Variants in GRHL2 observed in about 807,000 individuals in gnomAD.
The protein encoded by GRHL2 is grainyhead like transcription factor 2, also known as grainyhead-like protein 2 homolog.
Under a neutral mutation model 83.8 loss-of-function variants are expected in GRHL2, and 21 were observed. The ratio of observed to expected loss-of-function variants is 0.25; its 90% CI spans 0.18 to 0.36. The LOEUF (loss-of-function observed/expected upper bound fraction) is 0.36, where lower values mean the gene tolerates loss of function less well. GRHL2 is among the 10% of genes least tolerant of loss of function. The probability of loss-of-function intolerance (pLI) is 1.00; values close to 1 mark genes in which losing one functional copy is unlikely to be tolerated. For missense variants in GRHL2, 623 were observed against 781.8 expected (o/e 0.80, Z 2.42); for synonymous variants, 280 against 278.9 (o/e 1.00, Z -0.04).
At chr8:101,507,536 A>G (rs548291530) in intron 1 of GRHL2, among the ~76,000 whole-genome samples, 2 of 152,286 alleles carry the variant, frequency 1.3e-5, no homozygotes, top group African/African-American at 2.4e-5. Flanking sequence ...TTTTCTGTGC[A>G]TGTATATACA....
At chr8:101,577,322 C>T (rs150834119) in intron 6 of GRHL2, 86 bp from the exon 7 acceptor site, 3 of 829,942 alleles carry the variant, frequency 3.6e-6, no homozygotes, top group Non-Finnish European at 6.2e-6. Flanking sequence ...GACACAAACA[C>T]ACCTCTGGTA....
chr8:101,563,680 T>C (rs1811654443), intron 4 of GRHL2, among the ~76,000 whole-genome samples: 1 of 152,178 alleles, frequency 6.6e-6, no homozygotes, highest in Admixed American at 6.5e-5. Flanking sequence ...GCTTCCTGCA[T>C]CATATTGCTT....
At chr8:101,633,060 A>G (rs1813219737) in intron 11 of GRHL2, among the ~76,000 whole-genome samples, 1 of 152,230 alleles carries the variant, frequency 6.6e-6, no homozygotes, top group Non-Finnish European at 1.5e-5. Context: ...GTGGAAAAAA[A>G]TGTAGAATAG....
At chr8:101,608,013 T>C (rs1002731043) in intron 8 of GRHL2, among the ~76,000 whole-genome samples, 2 of 152,246 alleles carry the variant, frequency 1.3e-5, no homozygotes, top group African/African-American at 4.8e-5. Context: ...AACTATTGTA[T>C]TGTGCAGAGA....
At chr8:101,649,956 G>A (rs760669064) in intron 14 of GRHL2, among the ~76,000 whole-genome samples, 1 of 152,088 alleles carries the variant, frequency 6.6e-6, no homozygotes, top group Non-Finnish European at 1.5e-5. Flanking sequence ...TCCTACCCAT[G>A]GTCTTGTCTA....
At chr8:101,496,298 T>C (rs1483268209) in intron 1 of GRHL2, among the ~76,000 whole-genome samples, 2 of 152,168 alleles carry the variant, frequency 1.3e-5, no homozygotes, top group Non-Finnish European at 2.9e-5. Flanking sequence ...GTCTCTCATG[T>C]GGATAACATT....
chr8:101,626,075 TA>T (rs1813073578), intron 9 of GRHL2, among the ~76,000 whole-genome samples: 1 of 152,110 alleles, frequency 6.6e-6, no homozygotes, highest in Non-Finnish European at 1.5e-5. Context: ...TAAAAAGAGA[TA>T]TTAAAGTTTA....
chr8:101,622,815 T>C (rs1180832795), intron 9 of GRHL2, among the ~76,000 whole-genome samples: 3 of 152,200 alleles, frequency 2.0e-5, no homozygotes, highest in African/African-American at 7.2e-5. Flanking sequence ...ATGATATTTG[T>C]AGTCTTTTAT....
At chr8:101,634,758 G>A (rs1813254101) in intron 11 of GRHL2, among the ~76,000 whole-genome samples, 1 of 152,320 alleles carries the variant, frequency 6.6e-6, no homozygotes, top group South Asian at 2.1e-4. Flanking sequence ...GACTTGGGGA[G>A]TGGGTATTTC....
At chr8:101,514,367 A>C (rs1450782614) in intron 1 of GRHL2, among the ~76,000 whole-genome samples, 4 of 152,184 alleles carry the variant, frequency 2.6e-5, no homozygotes, top group Non-Finnish European at 4.4e-5. Flanking sequence ...GAGGTTAAAC[A>C]TGCGAGGATC....
chr8:101,577,800 G>A (rs1164551957), intron 7 of GRHL2, among the ~76,000 whole-genome samples: 1 of 152,212 alleles, frequency 6.6e-6, no homozygotes, highest in Non-Finnish European at 1.5e-5. Flanking sequence ...CCTAAAACGT[G>A]TTTTCATGGC....
chr8:101,524,607 T>C (rs959111329), intron 1 of GRHL2, among the ~76,000 whole-genome samples: 1 of 152,210 alleles, frequency 6.6e-6, no homozygotes, highest in Non-Finnish European at 1.5e-5. Flanking sequence ...AAAACTATGT[T>C]ATAATTTCAA....
intron 8 of GRHL2, among the ~76,000 whole-genome samples, chr8:101,601,188 ACCC>A (rs1165743486): frequency 5.4e-5 from 8 of 149,022 alleles, no homozygotes; most frequent in African/African-American, 2.0e-4. Flanking sequence ...ACACACACAC[ACCC>A]CACCACCACC....
intron 8 of GRHL2, among the ~76,000 whole-genome samples, chr8:101,616,683 C>A (rs1812863886): frequency 6.6e-6 from 1 of 152,168 alleles, no homozygotes; most frequent in Admixed American, 6.5e-5. Context: ...ACCTGCCTCT[C>A]TGTACACACA....
In GRHL2 at chr8:101,644,087, C is replaced by T. The variant is rs766052548; in HGVS notation, c.1518-44C>T. 7 of 1,536,878 alleles carry T rather than the reference C, an allele frequency of 4.6e-6. No homozygotes were observed. The East Asian group carries it at 9.0e-5, about 20-fold the overall frequency. ...ACACACATGTGAACGTGTGTTTTGA[C>T]ACCTTGCTGGTTTTACTTAAGGATT... On this transcript the variant is annotated intron_variant, in intron 12 of 15. Transcript: ENST00000646743.
intron 1 of GRHL2, among the ~76,000 whole-genome samples, chr8:101,499,376 TTTC>T (rs1261776436): frequency 2.0e-5 from 3 of 152,154 alleles, no homozygotes; most frequent in Non-Finnish European, 2.9e-5. Flanking sequence ...AAACTAACAT[TTTC>T]TTCTTGTTCC....
chr8:101,590,587 A>G (rs1009074273), intron 7 of GRHL2, among the ~76,000 whole-genome samples: 1 of 152,180 alleles, frequency 6.6e-6, no homozygotes, highest in African/African-American at 2.4e-5. Flanking sequence ...TTTCAAGTTT[A>G]GAGAAGTTGA....
At chr8:101,496,213 A>G (rs1810101169) in intron 1 of GRHL2, among the ~76,000 whole-genome samples, 1 of 150,938 alleles carries the variant, frequency 6.6e-6, no homozygotes, top group Non-Finnish European at 1.5e-5. Context: ...ATTTTTGCTT[A>G]TGATAATTTC....
intron 8 of GRHL2, among the ~76,000 whole-genome samples, chr8:101,610,535 G>T (rs1472949158): frequency 6.6e-6 from 1 of 150,864 alleles, no homozygotes; most frequent in East Asian, 1.9e-4. Flanking sequence ...GAGACTAGGT[G>T]TCTGAAAGGA....
Sources: allele counts gnomAD v4.1 joint callset (sites outside exome capture counted in the v4.1 genomes callset), GRCh38; gene constraint gnomAD v4.1.1; transcripts MANE v1.5; gene names NCBI Gene and HGNC (gene_info 2026-07-23, HGNC 2026-07-21).